Variants in PCDHA3 observed in about 807,000 individuals in gnomAD.
PCDHA3 encodes the protein protocadherin alpha 3.
PCDHA3 carries 41 observed loss-of-function variants against 62.2 expected under a neutral mutation model. The observed-to-expected ratio is 0.66, with a 90% confidence interval of 0.51 to 0.86. PCDHA3 has a LOEUF of 0.86. Ranked by LOEUF, PCDHA3 falls within the 40% of genes least tolerant of loss-of-function variation. The probability of loss-of-function intolerance (pLI) is 0.00; values close to 1 mark genes in which losing one functional copy is unlikely to be tolerated. For missense variants in PCDHA3, 1,304 were observed against 1,241.2 expected (o/e 1.05, Z -0.76); for synonymous variants, 640 against 555.4 (o/e 1.15, Z -2.14).
chr5:140,909,719 C>T (rs2074652522), intron 1 of PCDHA3, among the ~76,000 whole-genome samples: 1 of 152,130 alleles, frequency 6.6e-6, no homozygotes, highest in Non-Finnish European at 1.5e-5. Flanking sequence ...ATACCTATGC[C>T]AATTATGCAT....
Position 140,967,485 on chromosome 5 carries a change from C to T in PCDHA3, c.2395-11464C>T, listed in dbSNP as rs781948599. 7 of 1,613,056 alleles carry T rather than the reference C, an allele frequency of 4.3e-6. No individual in the cohort carries two copies. The South Asian group carries it at 5.5e-5, about 13-fold the overall frequency. On this transcript the variant is annotated intron_variant, in intron 1 of 3. Coordinates refer to ENST00000522353, the MANE Select transcript of PCDHA3 (RefSeq NM_018906.3). ...GGGGGCATCCCAGCCCGCTCGGGTA[C>T]GGCACAGATCTCTGTGCGTGTCCTG...
rs2150117634 is a variant in PCDHA3, at chr5:140,822,593, A to T, written c.2394+19002A>T. The T allele has an allele frequency of 4.3e-6, 7 of 1,611,492 alleles. No homozygotes were observed. In the Admixed American group the frequency reaches 1.2e-4, roughly 27 times the overall value. On this transcript the variant is annotated intron_variant, in intron 1 of 3. Transcript: ENST00000522353. ...GCCTCAGATGCAGATGAGGGCATCA[A>T]TAAGGAAATAGTGTATTTCTTTAGT... is the stretch of plus-strand genomic sequence containing the variant.
intron 1 of PCDHA3, chr5:140,883,358 C>A (rs1554177826): frequency 6.2e-7 from 1 of 1,614,192 alleles, no homozygotes; most frequent in South Asian, 1.1e-5. Context: ...AGAAGACACT[C>A]AGCCTAGCGC....
intron 1 of PCDHA3, among the ~76,000 whole-genome samples, chr5:140,885,056 C>T (rs1554181973): frequency 6.6e-6 from 1 of 152,106 alleles, no homozygotes; most frequent in East Asian, 1.9e-4. Flanking sequence ...TATACATATA[C>T]CCACAAGATA....
At chr5:140,934,533 C>T (rs1418320473) in intron 1 of PCDHA3, among the ~76,000 whole-genome samples, 5 of 152,086 alleles carry the variant, frequency 3.3e-5, no homozygotes, top group African/African-American at 4.8e-5. Flanking sequence ...CGAGAGCTAC[C>T]GTTCTAATTC....
intron 1 of PCDHA3, chr5:140,866,231 A>G (rs1467927263): frequency 1.3e-5 from 2 of 152,172 alleles, no homozygotes; most frequent in Non-Finnish European, 2.9e-5. Context: ...ACTAAATACT[A>G]TATACCAAAA....
At chr5:140,835,408 A>G (rs1554134951) in intron 1 of PCDHA3, 1 of 1,614,004 alleles carries the variant, frequency 6.2e-7, no homozygotes, top group Non-Finnish European at 8.5e-7. Context: ...GAAGTTGTGG[A>G]TGTAAATGAC....
At chr5:140,809,045 A>G in intron 1 of PCDHA3, 1 of 1,613,870 alleles carries the variant, frequency 6.2e-7, no homozygotes, top group Non-Finnish European at 8.5e-7. Context: ...TGGCGCGCGC[A>G]TCCCGTTCCG....
At chr5:140,859,230 G>A (rs1168816968) in intron 1 of PCDHA3, 2 of 149,852 alleles carry the variant, frequency 1.3e-5, no homozygotes, top group Non-Finnish European at 3.0e-5. Context: ...TAAGGAAGGA[G>A]TCATGCTTAT....
At chr5:140,823,131 G>T (rs142929389) in intron 1 of PCDHA3, 3 of 1,614,008 alleles carry the variant, frequency 1.9e-6, no homozygotes, top group South Asian at 2.2e-5. Flanking sequence ...ACAACGCTCC[G>T]GCGTTCGCGC....
At chr5:140,883,342 C>T in intron 1 of PCDHA3, 1 of 1,614,154 alleles carries the variant, frequency 6.2e-7, no homozygotes, top group Non-Finnish European at 8.5e-7. Flanking sequence ...TGTCACTCCC[C>T]ATCAGAGAAG....
chr5:140,808,019 G>T (rs1764082833), intron 1 of PCDHA3: 1 of 1,613,708 alleles, frequency 6.2e-7, no homozygotes, highest in African/African-American at 1.3e-5. Flanking sequence ...TGGGGACATT[G>T]TTTATTCATT....
Position 140,884,467 on chromosome 5 carries a change from G to C in PCDHA3, c.2394+80876G>C, listed in dbSNP as rs199814121. 11 of 1,613,778 alleles carry C rather than the reference G, an allele frequency of 6.8e-6. No homozygotes were observed. The South Asian group carries it at 8.8e-5, about 13-fold the overall frequency. On this transcript the variant is annotated intron_variant, in intron 1 of 3. Transcript: ENST00000522353. ...CACCGCCCACCGAGGGCGCGTGCGC[G>C]CCGGGCAAGCCCACTCTAGTGTGCT...
At chr5:140,843,305 A>C (rs2150356964) in intron 1 of PCDHA3, 9 of 1,595,822 alleles carry the variant, frequency 5.6e-6, no homozygotes, top group Non-Finnish European at 7.7e-6. Flanking sequence ...GCTGACCGCC[A>C]CGGCCACGGT....
At chr5:140,928,836 C>T (rs1554206380) in intron 1 of PCDHA3, 1 of 1,614,168 alleles carries the variant, frequency 6.2e-7, no homozygotes. Context: ...CACTTTCCTC[C>T]TCTGTCACTC....
intron 1 of PCDHA3, among the ~76,000 whole-genome samples, chr5:140,962,940 A>G (rs1441801947): frequency 1.3e-5 from 2 of 152,186 alleles, no homozygotes; most frequent in African/African-American, 4.8e-5. Context: ...CCTCCTCTCC[A>G]TAAGATATGC....
chr5:140,966,924 C>T (rs1554228895), intron 1 of PCDHA3: 2 of 1,602,624 alleles, frequency 1.2e-6, no homozygotes, highest in Admixed American at 1.7e-5. Context: ...GAGGAGCAGG[C>T]ACCCGGCGCG....
At chr5:140,823,068 G>A (rs2150121914) in intron 1 of PCDHA3, 2 of 1,613,914 alleles carry the variant, frequency 1.2e-6, no homozygotes, top group Non-Finnish European at 1.7e-6. Flanking sequence ...ACGGGGGCTC[G>A]CCTTCGCTGT....
chr5:140,967,485 C>A lies in PCDHA3; in HGVS notation c.2395-11464C>A, dbSNP rs781948599. 3.7e-6 allele frequency: 6 copies of A among 1,613,056 alleles called. No homozygotes were observed. In the South Asian group the frequency reaches 6.6e-5, roughly 18 times the overall value. On this transcript the variant is annotated intron_variant, in intron 1 of 3. Coordinates refer to ENST00000522353, the MANE Select transcript of PCDHA3 (RefSeq NM_018906.3). ...GGGGGCATCCCAGCCCGCTCGGGTA[C>A]GGCACAGATCTCTGTGCGTGTCCTG...
Sources: allele counts gnomAD v4.1 joint callset (sites outside exome capture counted in the v4.1 genomes callset), GRCh38; gene constraint gnomAD v4.1.1; transcripts MANE v1.5; gene names NCBI Gene and HGNC (gene_info 2026-07-23, HGNC 2026-07-21).